DAPK3: variants seen among roughly 807,000 people sequenced by gnomAD.
DAPK3 encodes the protein death-associated protein kinase 3.
A neutral mutation model predicts 30.6 loss-of-function variants in DAPK3; 24 were observed. The observed-to-expected ratio is 0.78, with a 90% CI of 0.57 to 1.10. The LOEUF is 1.10. DAPK3 is among the 50% of genes least tolerant of loss of function. The pLI, the probability that DAPK3 is intolerant of heterozygous loss-of-function variation, is 0.00. For missense variants in DAPK3, 629 were observed against 657.3 expected, an observed-to-expected ratio of 0.96 and a Z score of 0.47; for synonymous variants, 341 against 284.0, an observed-to-expected ratio of 1.20 and a Z score of -2.02.
chr19:3,962,787 CAAAAAAAAAAAAAA>C (rs35117218), intron 6 of DAPK3, among the ~76,000 whole-genome samples: 2 of 68,086 alleles, frequency 2.9e-5, no homozygotes, highest in African/African-American at 6.4e-5. Context: ...AACTCTGTCT[CAAAAAAAAAAAAAA>C]AAAAAAAAAA....
chr19:3,966,295 C>T (rs1302444948), intron 2 of DAPK3, among the ~76,000 whole-genome samples: 1 of 152,158 alleles, frequency 6.6e-6, no homozygotes, highest in African/African-American at 2.4e-5. Flanking sequence ...TGCTAACAGA[C>T]CCAGCTGTCC....
chr19:3,970,522 C>T (rs892148165), intron 1 of DAPK3: 1 of 151,606 alleles, frequency 6.6e-6, no homozygotes, highest in African/African-American at 2.4e-5. Context: ...CCCTCCAATT[C>T]TGAATTTTCC....
At chr19:3,961,655 C>T (rs534887465) in intron 6 of DAPK3, 42 of 389,974 alleles carry the variant, frequency 1.1e-4, no homozygotes, top group Admixed American at 8.3e-4. Flanking sequence ...ATCGTGACAG[C>T]GCACGAGACT....
At chr19:3,968,592 C>T (rs532466546) in intron 2 of DAPK3, among the ~76,000 whole-genome samples, 3 of 152,154 alleles carry the variant, frequency 2.0e-5, no homozygotes, top group East Asian at 1.9e-4. Context: ...GTGAAATCGG[C>T]GAGTTAAAAG....
At position 3,964,706 on chromosome 19, in the gene DAPK3, G is replaced by A; in HGVS notation, c.348C>T (p.Ala116=). 3.1e-6 allele frequency: 5 copies of A among 1,612,276 alleles called. No homozygotes were observed. Among genetic ancestry groups the A allele is most frequent in the Non-Finnish European group, 4.2e-6 (5 of 1,179,276 alleles). ...CCAGGATCTGCTTGAGGAACTGGGT[G>A]GCCTCGTCCTCCGTCAGCGACTCCT... ...AEKESLTEDE[A]TQFLKQILDG... Residue 116 remains alanine, a synonymous_variant, in exon 3 of 9, where the codon GCC becomes GCT. Transcript: ENST00000545797.
At chr19:3,962,291 G>C (rs1276198309) in intron 6 of DAPK3, among the ~76,000 whole-genome samples, 1 of 152,220 alleles carries the variant, frequency 6.6e-6, no homozygotes, top group African/African-American at 2.4e-5. Flanking sequence ...TTGCTCCTTT[G>C]TAAGTCTGAA....
At chr19:3,967,929 T>C (rs746483273) in intron 2 of DAPK3, among the ~76,000 whole-genome samples, 34 of 152,156 alleles carry the variant, frequency 2.2e-4, no homozygotes, top group Non-Finnish European at 1.0e-4. Context: ...CGACATGAAA[T>C]ACACACCAGA....
rs765362058 is a variant in DAPK3, at chr19:3,964,966, A to ACTTC, written c.84_87dup (p.Cys30GlufsTer75). On this transcript the variant is annotated frameshift_variant, in exon 3 of 9. Transcript: ENST00000545797. LOFTEE classifies it high-confidence loss of function. ...TCCTTGCCCGTGCCCTTCTGCCGGC[A>ACTTC]CTTCCGCACGATCGCAAACTGGCCG... 6.2e-7 allele frequency: 1 copy of ACTTC among 1,608,054 alleles called. No homozygotes were observed. Among genetic ancestry groups the ACTTC allele is most frequent in the Non-Finnish European group, 8.5e-7 (1 of 1,176,748 alleles).
At chr19:3,962,694 T>C (rs927522063) in intron 6 of DAPK3, among the ~76,000 whole-genome samples, 6 of 147,944 alleles carry the variant, frequency 4.1e-5, no homozygotes, top group African/African-American at 1.3e-4. Flanking sequence ...TGGGAATCAC[T>C]TGAACCCGGG....
intron 6 of DAPK3, among the ~76,000 whole-genome samples, chr19:3,963,168 G>A (rs1468797518): frequency 1.3e-5 from 2 of 152,152 alleles, no homozygotes; most frequent in Admixed American, 6.6e-5. Context: ...AGGTACTCAG[G>A]AGGCTGAGGT....
intron 2 of DAPK3, 66 bp downstream of exon 2, chr19:3,969,608 G>A: frequency 2.0e-6 from 2 of 1,010,628 alleles, no homozygotes; most frequent in Non-Finnish European, 3.1e-6. Context: ...GAGAGCTGCT[G>A]TTCAGAAAAC....
rs550487237 is a variant in DAPK3 at position 3,967,980 on chromosome 19, T to A, written c.62+1694A>T. On this transcript the variant is annotated intron_variant, in intron 2 of 8. Transcript: ENST00000545797. ...GGCAAAAACAGAAGGCTAAATACTT[T>A]TTTTAAAATTATGAATTTCTGTTTG... 2.0e-5 allele frequency among the ~76,000 whole-genome samples: 3 copies of A among 152,342 alleles called. No individual in the cohort carries two copies. In the South Asian group the frequency reaches 6.2e-4, roughly 32 times the overall value.
At position 3,959,126 on chromosome 19, in the gene DAPK3, T is replaced by C. The variant is rs1373581291; in HGVS notation, c.1340A>G (p.Gln447Arg). 2 of 1,572,368 alleles carry C rather than the reference T, an allele frequency of 1.3e-6. No homozygotes were observed. The highest frequency in any genetic ancestry group is 1.7e-6 in the Non-Finnish European group (2 of 1,163,396). ...LVRALEQEKL[Q>R]GVECGLR ...CTAGCGCAGCCCGCACTCCACGCCC[T>C]GCAGCTTCTCCTGCTCCAGGGCGCG... Residue 447 changes from glutamine (Q) to arginine (R), a missense_variant, in exon 9 of 9, where the codon CAG becomes CGG. Transcript: ENST00000545797.
In DAPK3 at chr19:3,959,226, T is replaced by C; in HGVS notation, c.1240A>G (p.Ser414Gly). 1 of 1,600,752 alleles carries C rather than the reference T, an allele frequency of 6.2e-7. No homozygotes were observed. Among genetic ancestry groups the C allele is most frequent in the Non-Finnish European group, 8.5e-7 (1 of 1,178,236 alleles). Residue 414 changes from serine to glycine, a missense_variant, in exon 9 of 9, where the codon AGC becomes GGC. Ser to Gly is a moderately conservative substitution (Grantham distance 56). This residue lies in a region of DAPK3 where 323 missense variants were observed against 278.8 expected (regional missense o/e 1.16). Transcript: ENST00000545797. Reference protein sequence around the residue: ...LGTSGLKRRFSRLENRYEALA... With the variant: ...LGTSGLKRRFGRLENRYEALA... Reference sequence around the variant, plus strand: ...GCCTCGTAGCGGTTCTCCAGGCGGCTGAAGCGGCGCTTGAGGCCGCTGGTC... The same window carrying C: ...GCCTCGTAGCGGTTCTCCAGGCGGCCGAAGCGGCGCTTGAGGCCGCTGGTC...
intron 2 of DAPK3, among the ~76,000 whole-genome samples, chr19:3,966,581 C>G (rs954223686): frequency 6.6e-6 from 1 of 152,204 alleles, no homozygotes; most frequent in African/African-American, 2.4e-5. Context: ...GGGGAGCCAC[C>G]AGGCACTGCG....
chr19:3,960,278 T>C (rs1171493350), intron 7 of DAPK3, among the ~76,000 whole-genome samples, 174 bp from the exon 8 acceptor site: 1 of 151,712 alleles, frequency 6.6e-6, no homozygotes, highest in Non-Finnish European at 1.5e-5. Flanking sequence ...TGGGGGGTGG[T>C]GGAGAGAGCT....
chr19:3,966,255 G>A (rs1387260449), intron 2 of DAPK3, among the ~76,000 whole-genome samples: 4 of 152,100 alleles, frequency 2.6e-5, no homozygotes, highest in African/African-American at 7.2e-5. Context: ...GGGTTCCTGC[G>A]TGCCTACCTC....
intron 6 of DAPK3, chr19:3,961,860 A>AT (rs1469658064): frequency 4.8e-6 from 1 of 206,264 alleles, no homozygotes; most frequent in Non-Finnish European, 1.0e-5. Context: ...GGCACTTTAA[A>AT]TTTTTTAAAT....
intron 2 of DAPK3, among the ~76,000 whole-genome samples, chr19:3,966,176 C>T (rs1241762352): frequency 6.6e-6 from 1 of 152,212 alleles, no homozygotes. Context: ...TTCAAACCTT[C>T]AAACCAGGTG....
Sources: gnomAD v4.1 joint callset for allele counts (sites outside exome capture counted in the v4.1 genomes callset) on GRCh38, gnomAD v4.1.1 for gene constraint, gnomAD v4.1.1 regional missense constraint, MANE v1.5 for transcripts, NCBI Gene and HGNC (gene_info 2026-07-23, HGNC 2026-07-21) for gene names.